FBXO34: variants seen among roughly 807,000 people sequenced by gnomAD.
FBXO34 encodes the protein F-box only protein 34.
A neutral mutation model predicts 24.5 loss-of-function variants in FBXO34; 12 were observed. The observed-to-expected ratio is 0.49, with a 90% CI of 0.31 to 0.79. The LOEUF (loss-of-function observed/expected upper bound fraction) is 0.79. Among genes scored for constraint, FBXO34 ranks in the 30% least tolerant of loss-of-function variants. The pLI is 0.04. For synonymous variants in FBXO34, 320 were observed against 311.9 expected (o/e 1.03, Z -0.27); for missense variants, 823 against 857.7 (o/e 0.96, Z 0.51).
the FBXO34 span, chr14:55,428,801 T>C: frequency 6.2e-7 from 1 of 1,613,408 alleles, no homozygotes. Flanking sequence ...TATATAACCG[T>C]CATACCTACT....
rs1288038704 is a variant in FBXO34 at position 55,316,432 on chromosome 14, A to T, written c.-10-33949A>T. 2.0e-5 allele frequency among the ~76,000 whole-genome samples: 3 copies of T among 151,538 alleles called. No individual in the cohort carries two copies. The East Asian group carries it at 5.8e-4, about 29-fold the overall frequency. On this transcript the variant is annotated intron_variant, in intron 1 of 1. Coordinates refer to ENST00000313833, the MANE Select transcript of FBXO34 (RefSeq NM_017943.4). ...TGAAACCCTGTCTCTACAAAAATAAAAAAAAAAAAATTAGCTGGGTGTAGT... is the reference window on the plus strand; with the variant it reads ...TGAAACCCTGTCTCTACAAAAATAATAAAAAAAAAATTAGCTGGGTGTAGT...
chr14:55,439,693 G>A, the FBXO34 span, among the ~76,000 whole-genome samples: 460 of 148,682 alleles, frequency 3.1e-3, 3 homozygotes, highest in African/African-American at 0.011. Context: ...CACTTTGGGA[G>A]GCCAAGGCGG....
At chr14:55,403,258 C>CT in the FBXO34 span, among the ~76,000 whole-genome samples, 1 of 151,970 alleles carries the variant, frequency 6.6e-6, no homozygotes, top group Non-Finnish European at 1.5e-5. Context: ...CATATGCCAG[C>CT]TTTCCATTTC....
At chr14:55,435,698 A>C in the FBXO34 span, 357 of 564,316 alleles carry the variant, frequency 6.3e-4, 6 homozygotes, top group South Asian at 8.7e-3. Flanking sequence ...TTTATAACTC[A>C]AAACAGATAT....
At chr14:55,280,444 TTAAG>T (rs1881494610) in intron 1 of FBXO34, among the ~76,000 whole-genome samples, 1 of 152,126 alleles carries the variant, frequency 6.6e-6, no homozygotes, top group South Asian at 2.1e-4. Context: ...ATTAGGTATT[TTAAG>T]TAATCTAGAG....
At chr14:55,342,732 A>C (rs181691098) in intron 1 of FBXO34, among the ~76,000 whole-genome samples, 10 of 152,286 alleles carry the variant, frequency 6.6e-5, no homozygotes, top group South Asian at 2.1e-4. Flanking sequence ...AGTATGGTTT[A>C]TGTGATCTGT....
intron 1 of FBXO34, among the ~76,000 whole-genome samples, chr14:55,346,100 A>G (rs928093090): frequency 1.2e-4 from 19 of 152,338 alleles, no homozygotes; most frequent in African/African-American, 4.3e-4. Flanking sequence ...TACATGTTTT[A>G]TGGTCTTGGT....
At chr14:55,307,016 T>A (rs1390581075) in intron 1 of FBXO34, among the ~76,000 whole-genome samples, 2 of 152,234 alleles carry the variant, frequency 1.3e-5, no homozygotes, top group Non-Finnish European at 2.9e-5. Flanking sequence ...TTGTTTAATA[T>A]GGTATCCACC....
At chr14:55,299,010 A>G in intron 1 of FBXO34, 1 of 1,609,250 alleles carries the variant, frequency 6.2e-7, no homozygotes, top group African/African-American at 1.3e-5. Flanking sequence ...AATGCAGGAC[A>G]TTGCTGACCA....
intron 1 of FBXO34, among the ~76,000 whole-genome samples, chr14:55,288,974 C>T (rs1427682748): frequency 1.3e-5 from 2 of 152,150 alleles, no homozygotes; most frequent in Non-Finnish European, 2.9e-5. Flanking sequence ...TCGCTTGAAC[C>T]TGGGAGGTGG....
At chr14:55,413,642 G>A in the FBXO34 span, 22 of 409,910 alleles carry the variant, frequency 5.4e-5, no homozygotes, top group Admixed American at 3.3e-4. Flanking sequence ...GAGCAGGCTG[G>A]CGCTTCAGTT....
chr14:55,431,309 A>G, the FBXO34 span, among the ~76,000 whole-genome samples: 2 of 152,248 alleles, frequency 1.3e-5, no homozygotes, highest in Non-Finnish European at 2.9e-5. Flanking sequence ...TTTAGGAATA[A>G]ATTCAGATAA....
At chr14:55,325,680 G>C (rs1458092541) in intron 1 of FBXO34, among the ~76,000 whole-genome samples, 3 of 152,130 alleles carry the variant, frequency 2.0e-5, no homozygotes, top group Admixed American at 2.0e-4. Context: ...TCTCCATGTT[G>C]GTCAGGCTGG....
chr14:55,294,873 G>A (rs1882067338), intron 1 of FBXO34, among the ~76,000 whole-genome samples: 1 of 152,082 alleles, frequency 6.6e-6, no homozygotes, highest in Non-Finnish European at 1.5e-5. Flanking sequence ...TTTGACTTAC[G>A]TCCCGATAAA....
chr14:55,382,308 A>G, the FBXO34 span: 2 of 803,626 alleles, frequency 2.5e-6, no homozygotes, highest in Non-Finnish European at 3.9e-6. Flanking sequence ...GAAATTTTAC[A>G]TTAAATTTTT....
the FBXO34 span, among the ~76,000 whole-genome samples, chr14:55,388,746 T>G: frequency 6.6e-6 from 1 of 152,174 alleles, no homozygotes; most frequent in Non-Finnish European, 1.5e-5. Context: ...TAAAATTGTT[T>G]GCAAATTTTC....
At chr14:55,309,835 C>T (rs1386130546) in intron 1 of FBXO34, among the ~76,000 whole-genome samples, 1 of 152,164 alleles carries the variant, frequency 6.6e-6, no homozygotes, top group Non-Finnish European at 1.5e-5. Context: ...CACTGGAGTT[C>T]TGTCCTTTGG....
At chr14:55,388,990 C>T in the FBXO34 span, among the ~76,000 whole-genome samples, 1 of 152,068 alleles carries the variant, frequency 6.6e-6, no homozygotes, top group Non-Finnish European at 1.5e-5. Context: ...CCATCACGTT[C>T]AAGCATGTGA....
At chr14:55,428,899 G>T in the FBXO34 span, 2 of 1,613,952 alleles carry the variant, frequency 1.2e-6, no homozygotes, top group African/African-American at 2.7e-5. Flanking sequence ...TTTTAAAATC[G>T]AGGAATCTGG....
Sources: gnomAD v4.1 joint callset for allele counts (sites outside exome capture counted in the v4.1 genomes callset) on GRCh38, gnomAD v4.1.1 for gene constraint, MANE v1.5 for transcripts, NCBI Gene and HGNC (gene_info 2026-07-23, HGNC 2026-07-21) for gene names.